Variants in HSD17B4 observed in about 807,000 individuals in gnomAD.
HSD17B4 encodes the protein hydroxysteroid 17-beta dehydrogenase 4, also known as peroxisomal multifunctional enzyme type 2.
HSD17B4 carries 70 observed loss-of-function variants against 101.0 expected under a neutral mutation model. The ratio of observed to expected loss-of-function variants is 0.69; its 90% CI spans 0.57 to 0.85. HSD17B4 has a LOEUF of 0.85. Ranked by LOEUF, HSD17B4 falls within the 40% of genes least tolerant of loss-of-function variation. HSD17B4 has a pLI of 0.00. For missense variants in HSD17B4, 984 were observed against 892.4 expected (o/e 1.10, Z -1.31); for synonymous variants, 347 against 297.1 (o/e 1.17, Z -1.73).
At chr5:119,455,667 A>C (rs1003968903) in intron 1 of HSD17B4, among the ~76,000 whole-genome samples, 3 of 151,784 alleles carry the variant, frequency 2.0e-5, no homozygotes, top group African/African-American at 7.3e-5. Context: ...CTGTGTAGTC[A>C]GGGTTCACTG....
At chr5:119,508,991 C>G in intron 15 of HSD17B4, 150 bp from the exon 16 acceptor site, 2 of 628,238 alleles carry the variant, frequency 3.2e-6, no homozygotes, top group African/African-American at 1.8e-5. Context: ...GCTTTGTAAT[C>G]CAAACTTGGA....
intron 2 of HSD17B4, among the ~76,000 whole-genome samples, chr5:119,463,213 C>G (rs2451815): frequency 0.26 from 39,636 of 152,080 alleles, 6,459 homozygotes; most frequent in East Asian, 0.41. Context: ...AAATAGTATT[C>G]CATTATGTAT....
chr5:119,461,550 T>C (rs561336124), intron 2 of HSD17B4, among the ~76,000 whole-genome samples: 45 of 152,284 alleles, frequency 3.0e-4, no homozygotes, highest in African/African-American at 9.4e-4. Context: ...TACCTACTTA[T>C]AGAATACTTT....
At position 119,536,516 on chromosome 5, in the gene HSD17B4, T is replaced by C; in HGVS notation, c.2087T>C (p.Met696Thr). 1 of 1,612,340 alleles carries C rather than the reference T, an allele frequency of 6.2e-7. No homozygotes were observed. The highest frequency in any genetic ancestry group is 8.5e-7 in the Non-Finnish European group (1 of 1,178,602). ...TTIILSDEDF[M>T]EVVLGKLDPQ... ...ATCATACTTTCAGATGAAGATTTCATGGAGGTGGTCCTGGGCAAGCTTGAC... is the reference window on the plus strand; with the variant it reads ...ATCATACTTTCAGATGAAGATTTCACGGAGGTGGTCCTGGGCAAGCTTGAC... Residue 696 changes from methionine to threonine, a missense_variant, in exon 23 of 24, where the codon ATG (methionine) becomes ACG (threonine). Coordinates refer to ENST00000510025, the MANE Select transcript of HSD17B4 (RefSeq NM_000414.4).
chr5:119,505,817 G>A (rs1463307181), intron 14 of HSD17B4, among the ~76,000 whole-genome samples: 1 of 151,826 alleles, frequency 6.6e-6, no homozygotes, highest in Non-Finnish European at 1.5e-5. Flanking sequence ...AGAAAGAATG[G>A]GGTAAACAGT....
rs76579189 is a variant in HSD17B4 at position 119,511,400 on chromosome 5, C to T, written c.1437+2156C>T. Among the ~76,000 whole-genome samples the T allele has an allele frequency of 7.1e-4, 108 of 152,166 alleles. 1 individual carries two copies. Among genetic ancestry groups the T allele is most frequent in the African/African-American group, 2.5e-3 (104 of 41,504 alleles). On this transcript the variant is annotated intron_variant, in intron 16 of 23. Coordinates refer to ENST00000510025, the MANE Select transcript of HSD17B4 (RefSeq NM_000414.4). The stretch of plus-strand genomic sequence containing the variant: ...AGGGAAAGAGATAGCTAAGAAAAGC[C>T]CTCCTGGGATTGTAACAAACCTCAA...
intron 2 of HSD17B4, among the ~76,000 whole-genome samples, chr5:119,473,096 A>G (rs1323397740): frequency 6.6e-6 from 1 of 152,084 alleles, no homozygotes; most frequent in East Asian, 1.9e-4. Flanking sequence ...TTGGAGTGCT[A>G]ATATCCTTTG....
chr5:119,494,097 T>C (rs554164247), intron 11 of HSD17B4, 151 bp downstream of exon 11: 29 of 736,870 alleles, frequency 3.9e-5, no homozygotes, highest in Non-Finnish European at 6.0e-5. Flanking sequence ...GTATTAGAAT[T>C]CTTCACATTT....
intron 21 of HSD17B4, 52 bp from the exon 22 acceptor site, chr5:119,531,214 C>T (rs1468561506): frequency 6.3e-7 from 1 of 1,583,600 alleles, no homozygotes; most frequent in African/African-American, 1.3e-5. Context: ...TCACTTTTCT[C>T]CATGAGTTAT....
At chr5:119,536,604 A>T in intron 23 of HSD17B4, 54 bp downstream of exon 23, 1 of 1,580,278 alleles carries the variant, frequency 6.3e-7, no homozygotes, top group Non-Finnish European at 8.7e-7. Context: ...CTCTTTTGAC[A>T]ATTGCAGTTT....
rs77120380 is a variant in HSD17B4 at position 119,515,300 on chromosome 5, A to G, written c.1503+254A>G. On this transcript the variant is annotated intron_variant, in intron 17 of 23. Coordinates refer to ENST00000510025, the MANE Select transcript of HSD17B4 (RefSeq NM_000414.4). Reference sequence around the variant, plus strand: ...TATTAGTCAATTTAAAAAGCATTGCATGTTGTTGGTAATGGAGTGCTTTCT... The same window carrying G: ...TATTAGTCAATTTAAAAAGCATTGCGTGTTGTTGGTAATGGAGTGCTTTCT... Among the ~76,000 whole-genome samples, 2,642 of 152,190 alleles carry G rather than the reference A, an allele frequency of 0.017. 74 individuals carry two copies. Among genetic ancestry groups the G allele is most frequent in the African/African-American group, 0.06 (2,491 of 41,520 alleles).
At chr5:119,467,336 TTTC>T (rs1755910292) in intron 2 of HSD17B4, among the ~76,000 whole-genome samples, 1 of 152,178 alleles carries the variant, frequency 6.6e-6, no homozygotes, top group South Asian at 2.1e-4. Context: ...AAGTCCAAAG[TTTC>T]TTTGTTGATT....
At chr5:119,536,648 AG>A in intron 23 of HSD17B4, 98 bp downstream of exon 23, 1 of 1,142,238 alleles carries the variant, frequency 8.8e-7, no homozygotes, top group Non-Finnish European at 1.3e-6. Context: ...TTTATAAGCC[AG>A]GTTTCTTACA....
At chr5:119,511,191 A>G (rs1391441100) in intron 16 of HSD17B4, among the ~76,000 whole-genome samples, 1 of 152,176 alleles carries the variant, frequency 6.6e-6, no homozygotes, top group East Asian at 1.9e-4. Flanking sequence ...TAATAACACA[A>G]AGTTCTGACC....
chr5:119,488,538 C>G (rs1043328432), intron 8 of HSD17B4, among the ~76,000 whole-genome samples: 1 of 152,042 alleles, frequency 6.6e-6, no homozygotes, highest in African/African-American at 2.4e-5. Context: ...GATGGATATA[C>G]CAGTTACCCT....
chr5:119,531,140 G>A, intron 21 of HSD17B4, 126 bp from the exon 22 acceptor site: 1 of 842,380 alleles, frequency 1.2e-6, no homozygotes, highest in Non-Finnish European at 2.0e-6. Flanking sequence ...AAGACACATT[G>A]TATGAAGAAA....
intron 2 of HSD17B4, among the ~76,000 whole-genome samples, chr5:119,458,221 C>T (rs545607933): frequency 1.3e-5 from 2 of 152,236 alleles, no homozygotes; most frequent in African/African-American, 2.4e-5. Context: ...GAATTCAATC[C>T]ATGTGGAAGT....
intron 3 of HSD17B4, 72 bp downstream of exon 3, chr5:119,474,087 G>C: frequency 2.3e-6 from 2 of 873,976 alleles, no homozygotes; most frequent in Non-Finnish European, 3.8e-6. Context: ...AATAATCTTT[G>C]AGCAAATATC....
intron 10 of HSD17B4, 107 bp from the exon 11 acceptor site, chr5:119,493,711 T>G (rs967981969): frequency 1.9e-6 from 2 of 1,074,922 alleles, no homozygotes; most frequent in Admixed American, 4.0e-5. Flanking sequence ...TTAGAATCCC[T>G]TTTTTTCTGA....
Sources: gnomAD v4.1 joint callset for allele counts (sites outside exome capture counted in the v4.1 genomes callset) on GRCh38, gnomAD v4.1.1 for gene constraint, MANE v1.5 for transcripts, NCBI Gene and HGNC (gene_info 2026-07-23, HGNC 2026-07-21) for gene names.